GALNT14: variants seen among roughly 807,000 people sequenced by gnomAD.
The protein encoded by GALNT14 is polypeptide N-acetylgalactosaminyltransferase 14, also known as UDP-GalNAc:polypeptide N-acetylgalactosaminyltransferase 14.
A neutral mutation model predicts 77.5 loss-of-function variants in GALNT14; 60 were observed. The ratio of observed to expected loss-of-function variants is 0.77; its 90% CI spans 0.63 to 0.96. The LOEUF is 0.96. Among genes scored for constraint, GALNT14 ranks in the 40% least tolerant of loss-of-function variants. The pLI, the probability that GALNT14 is intolerant of heterozygous loss-of-function variation, is 0.00. For missense variants in GALNT14, 710 were observed against 731.0 expected, an observed-to-expected ratio of 0.97 and a Z score of 0.33; for synonymous variants, 280 against 281.7, an observed-to-expected ratio of 0.99 and a Z score of 0.06.
intron 14 of GALNT14, among the ~76,000 whole-genome samples, chr2:30,911,478 G>T (rs1254258685): frequency 1.3e-5 from 2 of 152,126 alleles, no homozygotes; most frequent in Non-Finnish European, 2.9e-5. Context: ...GTCAGCACAC[G>T]ACGGGCCAGA....
chr2:31,038,318 G>A (rs1452674127), intron 1 of GALNT14, among the ~76,000 whole-genome samples: 1 of 151,288 alleles, frequency 6.6e-6, no homozygotes, highest in Non-Finnish European at 1.5e-5. Flanking sequence ...GGTCTCAAAT[G>A]CCTGACCTCC....
At chr2:30,996,093 T>C (rs1267200140) in intron 1 of GALNT14, among the ~76,000 whole-genome samples, 1 of 152,194 alleles carries the variant, frequency 6.6e-6, no homozygotes, top group Non-Finnish European at 1.5e-5. Context: ...TTCTTCAGTC[T>C]ACTGATTCAA....
At chr2:31,115,020 G>A (rs1053140741) in intron 1 of GALNT14, among the ~76,000 whole-genome samples, 1 of 152,146 alleles carries the variant, frequency 6.6e-6, no homozygotes, top group Non-Finnish European at 1.5e-5. Context: ...GCCGAGGCAG[G>A]AGGACCACTT....
chr2:31,088,226 C>T (rs1252592539), intron 1 of GALNT14, among the ~76,000 whole-genome samples: 3 of 152,180 alleles, frequency 2.0e-5, no homozygotes, highest in African/African-American at 7.2e-5. Context: ...ATGATGGGGA[C>T]ATGATGTGTT....
At position 30,937,927 on chromosome 2, in the gene GALNT14, G is replaced by A. The variant is rs185733339; in HGVS notation, c.931+4274C>T. 2.6e-4 allele frequency among the ~76,000 whole-genome samples: 39 copies of A among 152,196 alleles called. No individual in the cohort carries two copies. The Middle Eastern group carries it at 0.014, about 53-fold the overall frequency. ...AGTAACTTTCCCAAGGATGCATAGC[G>A]ATGATTACAGGATTTAAACTCAGGC... On this transcript the variant is annotated intron_variant, in intron 9 of 14. Coordinates refer to ENST00000349752, the MANE Select transcript of GALNT14 (RefSeq NM_024572.4).
intron 7 of GALNT14, among the ~76,000 whole-genome samples, chr2:30,945,563 G>C (rs1666640653): frequency 6.6e-6 from 1 of 152,178 alleles, no homozygotes; most frequent in Non-Finnish European, 1.5e-5. Flanking sequence ...CCCTATCTTA[G>C]AGCTGGAGCT....
At position 30,955,624 on chromosome 2, in the gene GALNT14, G is replaced by C; in HGVS notation, c.648C>G (p.Val216=). The C allele has an allele frequency of 6.2e-7, 1 of 1,614,070 alleles. No individual in the cohort carries two copies. The highest frequency in any genetic ancestry group is 8.5e-7 in the Non-Finnish European group (1 of 1,180,026). Residue 216 remains valine (V), a synonymous_variant, in exon 6 of 15, where the codon GTC becomes GTG. Coordinates refer to ENST00000349752, the MANE Select transcript of GALNT14 (RefSeq NM_024572.4). ...RDWLQPLLHR[V]KEDYTRVVCP... ...GCTCCTCAGCCTCACTCACCTCTTT[G>C]ACCCTGTGCAACAGAGGCTGGAGCC...
At position 31,078,983 on chromosome 2, in the gene GALNT14, G is replaced by A; in HGVS notation, c.129+58975C>T. 3 of 1,289,246 alleles carry A rather than the reference G, an allele frequency of 2.3e-6. No individual in the cohort carries two copies. In the South Asian group the frequency reaches 3.7e-5, roughly 16 times the overall value. The allele number at this position is 1,289,246 out of a possible 1,614,324, so 79.9% of individuals were successfully genotyped here. On this transcript the variant is annotated intron_variant, in intron 1 of 14. Transcript: ENST00000349752. ...GGCTGTTCCATGCCTGGGAGGGAGA[G>A]CAGGGGAGCTACAGTGGGCTGCTGA... is the stretch of plus-strand genomic sequence containing the variant.
At chr2:31,114,831 A>T (rs1678022117) in intron 1 of GALNT14, 1 of 717,030 alleles carries the variant, frequency 1.4e-6, no homozygotes, top group African/African-American at 1.7e-5. Context: ...TGTCCTCCTA[A>T]GTCCCAAAGA....
chr2:31,083,316 G>A (rs1452298981), intron 1 of GALNT14, among the ~76,000 whole-genome samples: 2 of 152,194 alleles, frequency 1.3e-5, no homozygotes, highest in Non-Finnish European at 1.5e-5. Context: ...AGCACCACAC[G>A]TTCTTGGATA....
At chr2:30,941,427 A>G (rs1035658579) in intron 9 of GALNT14, among the ~76,000 whole-genome samples, 2 of 152,222 alleles carry the variant, frequency 1.3e-5, no homozygotes, top group African/African-American at 4.8e-5. Flanking sequence ...CCAAGATTTT[A>G]CACATTTACT....
At chr2:31,072,857 A>C (rs201783144) in intron 1 of GALNT14, among the ~76,000 whole-genome samples, 1 of 152,152 alleles carries the variant, frequency 6.6e-6, no homozygotes, top group Non-Finnish European at 1.5e-5. Flanking sequence ...CTGATTGTCT[A>C]CTTGTGCCTT....
intron 1 of GALNT14, among the ~76,000 whole-genome samples, chr2:31,017,293 T>G (rs73923379): frequency 0.029 from 4,401 of 152,298 alleles, 200 homozygotes; most frequent in African/African-American, 0.1. Flanking sequence ...CTGTGGCCAC[T>G]CAGCATATAC....
chr2:30,928,394 G>A (rs75591408), intron 11 of GALNT14, among the ~76,000 whole-genome samples: 3,691 of 152,148 alleles, frequency 0.024, 164 homozygotes, highest in African/African-American at 0.083. Context: ...CCTGGGTTGG[G>A]GAATACAAGG....
At chr2:30,922,996 C>T (rs1486505992) in intron 13 of GALNT14, among the ~76,000 whole-genome samples, 8 of 151,410 alleles carry the variant, frequency 5.3e-5, no homozygotes, top group Non-Finnish European at 8.8e-5. Context: ...GATGAATACC[C>T]GCCAGAAGGG....
At chr2:31,029,186 G>A (rs912581514) in intron 1 of GALNT14, among the ~76,000 whole-genome samples, 6 of 152,108 alleles carry the variant, frequency 3.9e-5, no homozygotes, top group Non-Finnish European at 7.4e-5. Flanking sequence ...AGTCATTCGC[G>A]GGATCTATTT....
At chr2:30,987,092 T>C (rs1444333960) in intron 2 of GALNT14, 1 of 152,214 alleles carries the variant, frequency 6.6e-6, no homozygotes, top group Non-Finnish European at 1.5e-5. Flanking sequence ...CAAACGAGGC[T>C]GAGAAGAGCA....
the GALNT14 span, among the ~76,000 whole-genome samples, chr2:30,896,221 TG>T: frequency 1.3e-5 from 2 of 152,254 alleles, no homozygotes; most frequent in African/African-American, 4.8e-5. Flanking sequence ...TCTGAGTCAG[TG>T]GGGTTAACCA....
intron 1 of GALNT14, among the ~76,000 whole-genome samples, chr2:31,010,472 G>A (rs35641784): frequency 0.27 from 41,709 of 152,046 alleles, 5,825 homozygotes; most frequent in East Asian, 0.39. Context: ...TAAATTAGCC[G>A]GGCGGGGTGG....
Sources: allele counts gnomAD v4.1 joint callset (sites outside exome capture counted in the v4.1 genomes callset), GRCh38; gene constraint gnomAD v4.1.1; transcripts MANE v1.5; gene names NCBI Gene and HGNC (gene_info 2026-07-23, HGNC 2026-07-21).